The following FHIP1A variants were observed in gnomAD, a reference collection of about 807,000 sequenced individuals.
FHIP1A encodes the protein FHF complex subunit HOOK-interacting protein 1A.
A neutral mutation model predicts 88.6 loss-of-function variants in FHIP1A; 61 were observed. The observed-to-expected ratio is 0.69, with a 90% confidence interval of 0.56 to 0.85. The LOEUF (loss-of-function observed/expected upper bound fraction) is 0.85, where lower values mean the gene tolerates loss of function less well. Among genes scored for constraint, FHIP1A ranks in the 40% least tolerant of loss-of-function variants. The pLI is 0.00. For missense variants in FHIP1A, 1,154 were observed against 1,273.5 expected (o/e 0.91, Z 1.43); for synonymous variants, 478 against 496.0 (o/e 0.96, Z 0.48).
At chr4:151,504,999 A>AC (rs1203467178) in intron 3 of FHIP1A, among the ~76,000 whole-genome samples, 3 of 150,418 alleles carry the variant, frequency 2.0e-5, no homozygotes, top group Non-Finnish European at 4.4e-5. Context: ...CTTGCCCATT[A>AC]CCCCCCGACC....
At chr4:151,410,547 A>T (rs1218202402) in intron 1 of FHIP1A, among the ~76,000 whole-genome samples, 7 of 152,194 alleles carry the variant, frequency 4.6e-5, no homozygotes, top group Non-Finnish European at 1.5e-5. Context: ...CTGTTGATTA[A>T]TGAGAGGGAA....
At chr4:151,516,690 C>CT (rs1731251178) in intron 3 of FHIP1A, among the ~76,000 whole-genome samples, 1 of 152,288 alleles carries the variant, frequency 6.6e-6, no homozygotes, top group African/African-American at 2.4e-5. Context: ...AGCCAAAAGA[C>CT]ACATGAAAAA....
chr4:151,498,241 G>A (rs1248048760), intron 3 of FHIP1A, among the ~76,000 whole-genome samples: 1 of 152,204 alleles, frequency 6.6e-6, no homozygotes, highest in African/African-American at 2.4e-5. Flanking sequence ...TTAGTGCAGA[G>A]ATTGAGGAAC....
chr4:151,460,316 A>C (rs377398884), intron 2 of FHIP1A, among the ~76,000 whole-genome samples: 19 of 152,336 alleles, frequency 1.2e-4, no homozygotes, highest in African/African-American at 4.6e-4. Context: ...GGACAAAAAA[A>C]TGAATGAAGT....
Position 151,586,630 on chromosome 4 carries a change from T to C in FHIP1A, c.733-11T>C. On this transcript the variant is annotated splice_polypyrimidine_tract_variant and intron_variant, in intron 5 of 13. Coordinates refer to ENST00000435205, the MANE Select transcript of FHIP1A (RefSeq NM_001109977.3). ...GAAAAGCATTTATTTTGTTTTTATTTCTGAACACAGGTACTTGCAACTGGG... is the reference window on the plus strand; with the variant it reads ...GAAAAGCATTTATTTTGTTTTTATTCCTGAACACAGGTACTTGCAACTGGG... 1 of 1,532,138 alleles carries C rather than the reference T, an allele frequency of 6.5e-7. No individual in the cohort carries two copies. Among genetic ancestry groups the C allele is most frequent in the South Asian group, 1.2e-5 (1 of 82,814 alleles). 94.9% of individuals were successfully genotyped at this position (1,532,138 alleles called of 1,614,324 possible).
At chr4:151,420,740 T>C (rs1365377151) in intron 1 of FHIP1A, among the ~76,000 whole-genome samples, 1 of 152,228 alleles carries the variant, frequency 6.6e-6, no homozygotes, top group Admixed American at 6.5e-5. Context: ...TTGCTTTTCT[T>C]TTGCTTAGTA....
chr4:151,489,658 G>A (rs1435083989), intron 3 of FHIP1A, among the ~76,000 whole-genome samples: 1 of 152,130 alleles, frequency 6.6e-6, no homozygotes, highest in Non-Finnish European at 1.5e-5. Flanking sequence ...GAGTGAGACT[G>A]GCCTTGCTGG....
intron 7 of FHIP1A, among the ~76,000 whole-genome samples, chr4:151,598,729 G>A (rs1190917162): frequency 2.6e-5 from 4 of 151,932 alleles, no homozygotes; most frequent in Non-Finnish European, 5.9e-5. Flanking sequence ...TTTTTAAGGG[G>A]CTGCATAGTT....
chr4:151,410,855 C>T (rs1044006852), intron 1 of FHIP1A, among the ~76,000 whole-genome samples: 1 of 152,218 alleles, frequency 6.6e-6, no homozygotes, highest in Non-Finnish European at 1.5e-5. Flanking sequence ...CCGCAGAGCT[C>T]ATAAGAATTA....
intron 7 of FHIP1A, 39 bp downstream of exon 7, chr4:151,588,965 A>G (rs749521968): frequency 6.9e-6 from 9 of 1,310,910 alleles, no homozygotes; most frequent in Non-Finnish European, 8.6e-6. Flanking sequence ...TCTCTATAAT[A>G]CAAGTGATGG....
intron 1 of FHIP1A, among the ~76,000 whole-genome samples, chr4:151,449,926 T>C (rs1728734905): frequency 6.6e-6 from 1 of 152,202 alleles, no homozygotes; most frequent in Middle Eastern, 3.2e-3. Flanking sequence ...AAATAATAGA[T>C]TTGCATGTTC....
intron 1 of FHIP1A, among the ~76,000 whole-genome samples, chr4:151,442,336 A>T (rs1410064396): frequency 2.0e-5 from 3 of 151,330 alleles, no homozygotes; most frequent in South Asian, 2.1e-4. Context: ...CAAATTAATT[A>T]AAAAAAAATC....
Position 151,662,754 on chromosome 4 carries a change from G to T in FHIP1A, c.3123G>T (p.Ter1041TyrextTer13), listed in dbSNP as rs772738314. The change falls in exon 14 of 14, where the codon TAG becomes TAT. Residue 1041 changes from the stop codon to tyrosine, a stop_lost. Transcript: ENST00000435205. ...GTGACTTTGAGGACTCCTGCTGTTA[G>T]CTTTTTTTTTTTTTTTTAATAGAGG... ...ILGDFEDSCC* is the reference protein window; with the variant it reads ...ILGDFEDSCCY The T allele has an allele frequency of 2.3e-6, 3 of 1,297,802 alleles. No individual in the cohort carries two copies. Among genetic ancestry groups the T allele is most frequent in the East Asian group, 3.0e-5 (1 of 33,090 alleles). The allele number at this position is 1,297,802 out of a possible 1,614,324, so 80.4% of individuals were successfully genotyped here.
At chr4:151,437,800 C>T (rs1316592915) in intron 1 of FHIP1A, among the ~76,000 whole-genome samples, 3 of 152,112 alleles carry the variant, frequency 2.0e-5, no homozygotes, top group African/African-American at 7.2e-5. Context: ...GAAGATGAAC[C>T]TCATTAACTA....
intron 3 of FHIP1A, 116 bp from the exon 4 acceptor site, chr4:151,566,022 A>AT (rs1017597945): frequency 1.9e-5 from 6 of 320,900 alleles, no homozygotes; most frequent in Non-Finnish European, 2.3e-5. Flanking sequence ...TGTTTTGTAG[A>AT]TTTTTTTCTG....
At chr4:151,557,603 T>C (rs115330985) in intron 3 of FHIP1A, among the ~76,000 whole-genome samples, 23 of 152,360 alleles carry the variant, frequency 1.5e-4, no homozygotes, top group Non-Finnish European at 1.9e-4. Context: ...CACTTGCTTC[T>C]GGAGGCTTTT....
chr4:151,525,230 C>T (rs1731585964), intron 3 of FHIP1A, among the ~76,000 whole-genome samples: 1 of 152,232 alleles, frequency 6.6e-6, no homozygotes, highest in African/African-American at 2.4e-5. Flanking sequence ...AATGCTAGCT[C>T]AGCACCCTAT....
intron 8 of FHIP1A, among the ~76,000 whole-genome samples, chr4:151,631,598 A>G (rs979746792): frequency 6.6e-6 from 1 of 152,156 alleles, no homozygotes; most frequent in Non-Finnish European, 1.5e-5. Context: ...CTCACAGAGA[A>G]ACCCACTTAA....
At chr4:151,545,640 G>A (rs1171567283) in intron 3 of FHIP1A, among the ~76,000 whole-genome samples, 1 of 151,906 alleles carries the variant, frequency 6.6e-6, no homozygotes, top group East Asian at 1.9e-4. Flanking sequence ...GCCTCCCAAA[G>A]TGCTGGGATT....
Sources: gnomAD v4.1 joint callset for allele counts (sites outside exome capture counted in the v4.1 genomes callset) on GRCh38, gnomAD v4.1.1 for gene constraint, MANE v1.5 for transcripts, NCBI Gene and HGNC (gene_info 2026-07-23, HGNC 2026-07-21) for gene names.